The following AGPAT4 variants were observed in gnomAD, a reference collection of about 807,000 sequenced individuals.
AGPAT4 encodes 1-acyl-sn-glycerol-3-phosphate acyltransferase delta.
A neutral mutation model predicts 48.0 loss-of-function variants in AGPAT4; 15 were observed. The ratio of observed to expected loss-of-function variants is 0.31; its 90% CI spans 0.21 to 0.48. The LOEUF is 0.48. Among genes scored for constraint, AGPAT4 ranks in the 20% least tolerant of loss-of-function variants. The pLI is 0.99. For missense variants in AGPAT4, 314 were observed against 482.5 expected, an observed-to-expected ratio of 0.65 and a Z score of 3.27; for synonymous variants, 178 against 198.7, an observed-to-expected ratio of 0.90 and a Z score of 0.88.
Position 161,177,839 on chromosome 6 carries a change from GTCCTT to G in AGPAT4, c.179-11427_179-11423del, listed in dbSNP as rs1314301773. On this transcript the variant is annotated intron_variant, in intron 2 of 8. Coordinates refer to ENST00000320285, the MANE Select transcript of AGPAT4 (RefSeq NM_020133.3). This position sits in a 1 kb window ranked among gnomAD's most constrained non-coding sequence, Gnocchi z 5.0. ...GTACAGATGGAGTTTTAGTGTGGAT[GTCCTT>G]TCCGTTTGTTAGTTTTCCTTCTAAC... Among the ~76,000 whole-genome samples the G allele has an allele frequency of 1.1e-4, 16 of 152,140 alleles. No individual in the cohort carries two copies. The highest frequency in any genetic ancestry group is 1.0e-3 in the Admixed American group (16 of 15,282).
rs1780069325 is a variant in AGPAT4 at position 161,165,513 on chromosome 6, T to C, written c.348+735A>G. On this transcript the variant is annotated intron_variant, in intron 3 of 8. Transcript: ENST00000320285. This position sits in a 1 kb window ranked among gnomAD's most constrained non-coding sequence, Gnocchi z 5.5. ...CTGATCTCTAAGTTCTGGTGCAAACTCTTAGGACCTTTCCTAGCCCCAGAC... is the reference window on the plus strand; with the variant it reads ...CTGATCTCTAAGTTCTGGTGCAAACCCTTAGGACCTTTCCTAGCCCCAGAC... 9.1e-7 allele frequency: 1 copy of C among 1,098,562 alleles called. No homozygotes were observed. The highest frequency in any genetic ancestry group is 1.6e-5 in the African/African-American group (1 of 60,608). The allele number at this position is 1,098,562 out of a possible 1,614,324, so 68.1% of individuals were successfully genotyped here. A position where few individuals can be genotyped will look rare whatever the true frequency, so the allele number is the denominator to read the frequency against.
rs570209233 is a variant in AGPAT4 at position 161,234,311 on chromosome 6, G to A, written c.-89-2009C>T. 1.1e-3 allele frequency among the ~76,000 whole-genome samples: 162 copies of A among 152,180 alleles called. No homozygotes were observed. Among genetic ancestry groups the A allele is most frequent in the African/African-American group, 3.8e-3 (157 of 41,524 alleles). On this transcript the variant is annotated intron_variant, in intron 1 of 8. Coordinates refer to ENST00000320285, the MANE Select transcript of AGPAT4 (RefSeq NM_020133.3). This position sits in a 1 kb window ranked among gnomAD's most constrained non-coding sequence, Gnocchi z 4.4. The stretch of plus-strand genomic sequence containing the variant: ...AGGAGGGAAATGGGAAGAAGCTTTC[G>A]GCCTGATTTCTCTGAAATCATCTTA...
chr6:161,241,018 A>C (rs1782469530), intron 1 of AGPAT4, among the ~76,000 whole-genome samples: 1 of 152,096 alleles, frequency 6.6e-6, no homozygotes, highest in Non-Finnish European at 1.5e-5. Context: ...TAATCCCAGC[A>C]CTTTGGGAAG....
rs2114755925 is a variant in AGPAT4, at chr6:161,264,260, A to C, written c.-90+9678T>G. Among the ~76,000 whole-genome samples the C allele has an allele frequency of 6.6e-6, 1 of 152,240 alleles. No individual in the cohort carries two copies. The highest frequency in any genetic ancestry group is 1.9e-4 in the East Asian group (1 of 5,170). ...AAGTTACCAAACCCTCCTGGCTTTC[A>C]GACCTGTGCCTCTTCTGGGCCTCCC... On this transcript the variant is annotated intron_variant, in intron 1 of 8. Transcript: ENST00000320285. The surrounding 1 kb of genome is among the most constrained non-coding windows in gnomAD (Gnocchi z 6.8).
At position 161,231,654 on chromosome 6, in the gene AGPAT4, G is replaced by A. The variant is rs1206886670; in HGVS notation, c.178+382C>T. Reference sequence around the variant, plus strand: ...TTTAAAAAAAAATACGTATGTATATGTATCTATATAGATATATACACAGAA... The same window carrying A: ...TTTAAAAAAAAATACGTATGTATATATATCTATATAGATATATACACAGAA... On this transcript the variant is annotated intron_variant, in intron 2 of 8. Transcript: ENST00000320285. This position sits in a 1 kb window ranked among gnomAD's most constrained non-coding sequence, Gnocchi z 5.3. Among the ~76,000 whole-genome samples the A allele has an allele frequency of 9.9e-5, 15 of 152,082 alleles. No individual in the cohort carries two copies. The highest frequency in any genetic ancestry group is 2.1e-4 in the Non-Finnish European group (14 of 68,012).
chr6:161,185,294 T>G (rs1039438350), intron 2 of AGPAT4, among the ~76,000 whole-genome samples: 1 of 147,676 alleles, frequency 6.8e-6, no homozygotes, highest in African/African-American at 2.5e-5. Flanking sequence ...TTTTTTTTTT[T>G]TTTTTTTTTT....
In AGPAT4 at chr6:161,180,886, T is replaced by C. The variant is rs751694370; in HGVS notation, c.179-14469A>G. Among the ~76,000 whole-genome samples, 1 of 152,168 alleles carries C rather than the reference T, an allele frequency of 6.6e-6. No individual in the cohort carries two copies. The highest frequency in any genetic ancestry group is 2.1e-4 in the South Asian group (1 of 4,824). On this transcript the variant is annotated intron_variant, in intron 2 of 8. Coordinates refer to ENST00000320285, the MANE Select transcript of AGPAT4 (RefSeq NM_020133.3). This position sits in a 1 kb window ranked among gnomAD's most constrained non-coding sequence, Gnocchi z 6.4. The stretch of plus-strand genomic sequence containing the variant: ...AGCCAAAACAGATTTGGTTTTATTA[T>C]ATTTGCCATTGTGCTGTTCAGCTTA...
In AGPAT4 at chr6:161,178,252, C is replaced by T. The variant is rs1274295611; in HGVS notation, c.179-11835G>A. Among the ~76,000 whole-genome samples, 1 of 152,208 alleles carries T rather than the reference C, an allele frequency of 6.6e-6. No individual in the cohort carries two copies. The highest frequency in any genetic ancestry group is 2.4e-5 in the African/African-American group (1 of 41,452). On this transcript the variant is annotated intron_variant, in intron 2 of 8. Transcript: ENST00000320285. The surrounding 1 kb of genome is among the most constrained non-coding windows in gnomAD (Gnocchi z 5.1). The stretch of plus-strand genomic sequence containing the variant: ...CAGAGGTGGAGTCTACAGAGGCATG[C>T]AGGCCTCCTTGAGCTGCGGTGGGCT...
At position 161,166,927 on chromosome 6, in the gene AGPAT4, C is replaced by A. The variant is rs1255020745; in HGVS notation, c.179-510G>T. Among the ~76,000 whole-genome samples the A allele has an allele frequency of 6.6e-6, 1 of 152,170 alleles. No homozygotes were observed. The highest frequency in any genetic ancestry group is 1.5e-5 in the Non-Finnish European group (1 of 68,040). The stretch of plus-strand genomic sequence containing the variant: ...CGCAGGAGCCCCAGCACCTGCAGGG[C>A]AGCGGGAGTGAGAGTCAGCCCACAG... On this transcript the variant is annotated intron_variant, in intron 2 of 8. Transcript: ENST00000320285. This position sits in a 1 kb window ranked among gnomAD's most constrained non-coding sequence, Gnocchi z 6.7.
In AGPAT4 at chr6:161,259,205, G is replaced by A. The variant is rs929144160; in HGVS notation, c.-90+14733C>T. ...AAATGATTAAATGAAGCTCGCTAAC[G>A]TATCGATCACTTCCCATACTTATTT... On this transcript the variant is annotated intron_variant, in intron 1 of 8. Coordinates refer to ENST00000320285, the MANE Select transcript of AGPAT4 (RefSeq NM_020133.3). The surrounding 1 kb of genome is among the most constrained non-coding windows in gnomAD (Gnocchi z 4.9). 3.3e-5 allele frequency among the ~76,000 whole-genome samples: 5 copies of A among 152,074 alleles called. No individual in the cohort carries two copies. Among genetic ancestry groups the A allele is most frequent in the East Asian group, 1.9e-4 (1 of 5,192 alleles).
rs1315302591 is a variant in AGPAT4, at chr6:161,146,339, T to TGA, written c.843+183_843+184dup. Among the ~76,000 whole-genome samples the TGA allele has an allele frequency of 1.4e-5, 2 of 147,562 alleles. No individual in the cohort carries two copies. The highest frequency in any genetic ancestry group is 2.9e-5 in the Non-Finnish European group (2 of 68,012). On this transcript the variant is annotated intron_variant, in intron 7 of 8. Transcript: ENST00000320285. This position sits in a 1 kb window ranked among gnomAD's most constrained non-coding sequence, Gnocchi z 7.1. ...AGAGAATAGCTTCATTGTGTGTGTGTGAACCCTCCTTAAAAAATATTTTGT... is the reference window on the plus strand; with the variant it reads ...AGAGAATAGCTTCATTGTGTGTGTGTGAGAACCCTCCTTAAAAAATATTTTGT...
rs1385128710 is a variant in AGPAT4, at chr6:161,198,150, G to A, written c.179-31733C>T. Among the ~76,000 whole-genome samples, 1 of 151,816 alleles carries A rather than the reference G, an allele frequency of 6.6e-6. No individual in the cohort carries two copies. The highest frequency in any genetic ancestry group is 1.5e-5 in the Non-Finnish European group (1 of 67,972). On this transcript the variant is annotated intron_variant, in intron 2 of 8. Transcript: ENST00000320285. This position sits in a 1 kb window ranked among gnomAD's most constrained non-coding sequence, Gnocchi z 4.3. ...ACTAATATGCTTATTGATGAGTTTT[G>A]TGTTTCTTATTCTCAATATTAAAAG...
At position 161,232,593 on chromosome 6, in the gene AGPAT4, C is replaced by T. The variant is rs546701695; in HGVS notation, c.-89-291G>A. 1.2e-4 allele frequency among the ~76,000 whole-genome samples: 19 copies of T among 152,264 alleles called. No individual in the cohort carries two copies. The East Asian group carries it at 2.5e-3, about 20-fold the overall frequency. ...GTGGAGCCACTCGGCCAGGGTTCACCGCTCCCCAGCTGGGCAGCAGCTGAG... is the reference window on the plus strand; with the variant it reads ...GTGGAGCCACTCGGCCAGGGTTCACTGCTCCCCAGCTGGGCAGCAGCTGAG... On this transcript the variant is annotated intron_variant, in intron 1 of 8. Transcript: ENST00000320285. The surrounding 1 kb of genome is among the most constrained non-coding windows in gnomAD (Gnocchi z 6.8).
In AGPAT4 at chr6:161,138,335, C is replaced by T. The variant is rs538464626; in HGVS notation, c.1042+1087G>A. ...GGAACAGGAGCCAGCTTGTCTACTG[C>T]ACCCATATGCTGCAGCATTGGTTGG... On this transcript the variant is annotated intron_variant, in intron 8 of 8. Coordinates refer to ENST00000320285, the MANE Select transcript of AGPAT4 (RefSeq NM_020133.3). This position sits in a 1 kb window ranked among gnomAD's most constrained non-coding sequence, Gnocchi z 4.8. Among the ~76,000 whole-genome samples the T allele has an allele frequency of 3.9e-5, 6 of 152,224 alleles. No homozygotes were observed. Among genetic ancestry groups the T allele is most frequent in the Non-Finnish European group, 7.3e-5 (5 of 68,046 alleles).
At chr6:161,248,145 A>G (rs767868482) in intron 1 of AGPAT4, among the ~76,000 whole-genome samples, 1 of 152,104 alleles carries the variant, frequency 6.6e-6, no homozygotes. Flanking sequence ...AAGCTCCTCA[A>G]GCTGATAAAC....
In AGPAT4 at chr6:161,233,407, C is replaced by T. The variant is rs1172069489; in HGVS notation, c.-89-1105G>A. 1.3e-5 allele frequency among the ~76,000 whole-genome samples: 2 copies of T among 152,166 alleles called. No homozygotes were observed. Among genetic ancestry groups the T allele is most frequent in the African/African-American group, 2.4e-5 (1 of 41,432 alleles). ...TACCCCAGGAAGACGTCTAATGTTACGACAAACTTTCTAACAATAATAGTT... is the reference window on the plus strand; with the variant it reads ...TACCCCAGGAAGACGTCTAATGTTATGACAAACTTTCTAACAATAATAGTT... On this transcript the variant is annotated intron_variant, in intron 1 of 8. Transcript: ENST00000320285. This position sits in a 1 kb window ranked among gnomAD's most constrained non-coding sequence, Gnocchi z 5.4.
chr6:161,235,560 T>C lies in AGPAT4; in HGVS notation c.-89-3258A>G, dbSNP rs1432294080. Among the ~76,000 whole-genome samples, 2 of 152,204 alleles carry C rather than the reference T, an allele frequency of 1.3e-5. No homozygotes were observed. The highest frequency in any genetic ancestry group is 2.9e-5 in the Non-Finnish European group (2 of 68,036). ...ACTGCTATAAAGAAATACCTGAGAC[T>C]GGACAATTTATAAAGAAAAGAGGTT... On this transcript the variant is annotated intron_variant, in intron 1 of 8. Coordinates refer to ENST00000320285, the MANE Select transcript of AGPAT4 (RefSeq NM_020133.3). The surrounding 1 kb of genome is among the most constrained non-coding windows in gnomAD (Gnocchi z 6.2).
chr6:161,256,790 G>T lies in AGPAT4; in HGVS notation c.-90+17148C>A, dbSNP rs1009684418. Among the ~76,000 whole-genome samples the T allele has an allele frequency of 2.6e-5, 4 of 152,216 alleles. No individual in the cohort carries two copies. The East Asian group carries it at 7.7e-4, about 29-fold the overall frequency. ...GGGGAGATAAATAATTGAAGGGAAA[G>T]AAATGGGTTCATCAGTTTGGCAACA... On this transcript the variant is annotated intron_variant, in intron 1 of 8. Transcript: ENST00000320285.
In AGPAT4 at chr6:161,238,174, C is replaced by G. The variant is rs987216973; in HGVS notation, c.-89-5872G>C. Among the ~76,000 whole-genome samples the G allele has an allele frequency of 1.3e-5, 2 of 152,104 alleles. No individual in the cohort carries two copies. Among genetic ancestry groups the G allele is most frequent in the Admixed American group, 6.5e-5 (1 of 15,276 alleles). ...GAGTCAGGCAGTCTGGCTACAAATC[C>G]AGGCCTGGCCACTTTACAGCTATGG... On this transcript the variant is annotated intron_variant, in intron 1 of 8. Transcript: ENST00000320285. The surrounding 1 kb of genome is among the most constrained non-coding windows in gnomAD (Gnocchi z 5.2).
Sources: gnomAD v4.1 joint callset for allele counts (sites outside exome capture counted in the v4.1 genomes callset) on GRCh38, gnomAD v4.1.1 for gene constraint, Gnocchi (gnomAD v3.1) non-coding constraint, MANE v1.5 for transcripts, NCBI Gene and HGNC (gene_info 2026-07-23, HGNC 2026-07-21) for gene names.